The following PIWIL1 variants were observed in gnomAD, a reference collection of about 807,000 sequenced individuals.
The protein encoded by PIWIL1 is piwi-like protein 1.
PIWIL1 carries 73 observed loss-of-function variants against 114.4 expected under a neutral mutation model. The ratio of observed to expected loss-of-function variants is 0.64; its 90% CI spans 0.53 to 0.78. The LOEUF is 0.78. Among genes scored for constraint, PIWIL1 ranks in the 30% least tolerant of loss-of-function variants. The pLI is 0.00. For missense variants in PIWIL1, 723 were observed against 1,063.1 expected (o/e 0.68, Z 4.45); for synonymous variants, 375 against 369.0 (o/e 1.02, Z -0.19).
chr12:130,338,229 G>A, intron 1 of PIWIL1, 83 bp downstream of exon 1: 1 of 328,574 alleles, frequency 3.0e-6, no homozygotes, highest in Non-Finnish European at 5.8e-6. Flanking sequence ...TGGAGGTGAG[G>A]CTCGAGGTGC....
At chr12:130,417,540 C>T in the PIWIL1 span, among the ~76,000 whole-genome samples, 3 of 152,088 alleles carry the variant, frequency 2.0e-5, no homozygotes, top group African/African-American at 4.8e-5. Context: ...CACATAGACA[C>T]GAAGATGGGA....
At chr12:130,424,136 A>G in the PIWIL1 span, 20 of 1,224,476 alleles carry the variant, frequency 1.6e-5, no homozygotes, top group Non-Finnish European at 2.0e-5. The surrounding 1 kb of genome is among the most constrained non-coding windows in gnomAD (Gnocchi z 9.8). Flanking sequence ...AGTTTAGGTC[A>G]CACACCAGGG....
At chr12:130,395,213 C>T in the PIWIL1 span, among the ~76,000 whole-genome samples, 1 of 152,210 alleles carries the variant, frequency 6.6e-6, no homozygotes, top group Non-Finnish European at 1.5e-5. Flanking sequence ...CAGAAAATTA[C>T]ACTCACACTG....
the PIWIL1 span, among the ~76,000 whole-genome samples, chr12:130,402,122 C>T: frequency 6.6e-6 from 1 of 152,214 alleles, no homozygotes; most frequent in South Asian, 2.1e-4. Context: ...CTCCCTTCCC[C>T]ATGTCTGATG....
chr12:130,347,655 T>C (rs1486092559), intron 6 of PIWIL1, among the ~76,000 whole-genome samples: 1 of 152,218 alleles, frequency 6.6e-6, no homozygotes, highest in Non-Finnish European at 1.5e-5. Context: ...AAATACTTGT[T>C]TTGAGTTAAT....
At chr12:130,413,354 G>A in the PIWIL1 span, among the ~76,000 whole-genome samples, 1 of 152,190 alleles carries the variant, frequency 6.6e-6, no homozygotes, top group African/African-American at 2.4e-5. Context: ...CCTCTCAGAA[G>A]GCTGGATCTC....
chr12:130,396,588 T>C, the PIWIL1 span: 1 of 152,792 alleles, frequency 6.5e-6, no homozygotes, highest in African/African-American at 2.4e-5. Flanking sequence ...GTATGGCATT[T>C]TGACAACGAA....
chr12:130,423,147 A>G, the PIWIL1 span, among the ~76,000 whole-genome samples: 1 of 152,174 alleles, frequency 6.6e-6, no homozygotes, highest in Admixed American at 6.5e-5. Flanking sequence ...CTCTAAATTC[A>G]CCTTTAGATC....
intron 7 of PIWIL1, among the ~76,000 whole-genome samples, chr12:130,348,571 C>G (rs570924589): frequency 6.6e-6 from 1 of 152,252 alleles, no homozygotes; most frequent in South Asian, 2.1e-4. Context: ...GCCCATGTCA[C>G]AAACCTGCAC....
At chr12:130,375,119 C>T (rs1161215349), downstream of PIWIL1, among the ~76,000 whole-genome samples, 1 of 152,134 alleles carries the variant, frequency 6.6e-6, no homozygotes, top group Admixed American at 6.5e-5. Flanking sequence ...CTTTATGCTC[C>T]CCGAGCTCCG....
chr12:130,414,331 C>T, the PIWIL1 span: 2 of 1,549,482 alleles, frequency 1.3e-6, no homozygotes, highest in Non-Finnish European at 1.7e-6. Context: ...GGGTGAAGAA[C>T]AGAGCGGCAG....
chr12:130,393,448 C>T, the PIWIL1 span, among the ~76,000 whole-genome samples: 10 of 149,136 alleles, frequency 6.7e-5, no homozygotes, highest in Admixed American at 4.7e-4. Flanking sequence ...TGTGATGACC[C>T]GGTCACTGTC....
At position 130,371,886 on chromosome 12, in the gene PIWIL1, CTCTG is replaced by C; in HGVS notation, c.*289_*292del. 5.3e-6 allele frequency: 1 copy of C among 190,022 alleles called. No homozygotes were observed. The highest frequency in any genetic ancestry group is 1.1e-5 in the Non-Finnish European group (1 of 92,994). 11.8% of individuals were successfully genotyped at this position (190,022 alleles called of 1,614,324 possible). A position where few individuals can be genotyped will look rare whatever the true frequency, so the allele number is the denominator to read the frequency against. The stretch of plus-strand genomic sequence containing the variant: ...GATACTTGGTAGTATAAAACAGACT[CTCTG>C]AGAGTATTTGAAATGTGTTTGGAGA... On this transcript the variant is annotated 3_prime_UTR_variant, in exon 21 of 21. Coordinates refer to ENST00000245255, the MANE Select transcript of PIWIL1 (RefSeq NM_004764.5).
At chr12:130,375,595 ATGT>A (rs1452366398), downstream of PIWIL1, among the ~76,000 whole-genome samples, 1 of 152,112 alleles carries the variant, frequency 6.6e-6, no homozygotes, top group Non-Finnish European at 1.5e-5. Flanking sequence ...TTTTTGGAGG[ATGT>A]TGTTTTGGAA....
the PIWIL1 span, among the ~76,000 whole-genome samples, chr12:130,388,258 C>T: frequency 1.3e-5 from 2 of 152,160 alleles, no homozygotes; most frequent in African/African-American, 4.8e-5. Context: ...GGACTCCAGG[C>T]ATGCACCACC....
At chr12:130,405,782 GTTTTT>G in the PIWIL1 span, among the ~76,000 whole-genome samples, 1 of 151,798 alleles carries the variant, frequency 6.6e-6, no homozygotes, top group East Asian at 1.9e-4. Context: ...GTTTTGTTTT[GTTTTT>G]GCTTATTTGT....
At chr12:130,362,696 A>C in intron 16 of PIWIL1, 70 bp from the exon 17 acceptor site, 1 of 1,300,030 alleles carries the variant, frequency 7.7e-7, no homozygotes, top group South Asian at 1.2e-5. Context: ...AAATAAATAT[A>C]GAATAATTCA....
At chr12:130,368,806 C>A (rs984054997) in intron 19 of PIWIL1, among the ~76,000 whole-genome samples, 1 of 152,000 alleles carries the variant, frequency 6.6e-6, no homozygotes, top group East Asian at 1.9e-4. Context: ...GTATAAAAAA[C>A]GTCATGAGTT....
chr12:130,424,954 G>A, the PIWIL1 span: 3 of 685,564 alleles, frequency 4.4e-6, no homozygotes, highest in East Asian at 1.0e-4. The surrounding 1 kb of genome is among the most constrained non-coding windows in gnomAD (Gnocchi z 9.8). Flanking sequence ...GACAGAATTA[G>A]TCCTGGAGGC....
Sources: gnomAD v4.1 joint callset for allele counts (sites outside exome capture counted in the v4.1 genomes callset) on GRCh38, gnomAD v4.1.1 for gene constraint, Gnocchi (gnomAD v3.1) non-coding constraint, MANE v1.5 for transcripts, NCBI Gene and HGNC (gene_info 2026-07-23, HGNC 2026-07-21) for gene names.